Variants in MTMR12 observed in about 807,000 individuals in gnomAD.
The protein encoded by MTMR12 is myotubularin related protein 12, also known as myotubularin-related protein 12.
In MTMR12, 33 loss-of-function variants were observed where a neutral mutation model predicts 96.7. The ratio of observed to expected loss-of-function variants is 0.34; its 90% CI spans 0.26 to 0.46. The LOEUF (loss-of-function observed/expected upper bound fraction) is 0.46. Ranked by LOEUF, MTMR12 falls within the 20% of genes least tolerant of loss-of-function variation. The probability of loss-of-function intolerance (pLI) is 1.00; values close to 1 mark genes in which losing one functional copy is unlikely to be tolerated. For synonymous variants in MTMR12, 298 were observed against 327.2 expected, an observed-to-expected ratio of 0.91 and a Z score of 0.96; for missense variants, 721 against 896.1, an observed-to-expected ratio of 0.80 and a Z score of 2.49.
intron 1 of MTMR12, among the ~76,000 whole-genome samples, chr5:32,296,818 A>G (rs543810783): frequency 6.1e-4 from 92 of 150,318 alleles, no homozygotes; most frequent in Admixed American, 4.7e-3. Flanking sequence ...AAAAAAAAAA[A>G]GTGGCCGGGC....
intron 7 of MTMR12, among the ~76,000 whole-genome samples, chr5:32,262,420 G>A (rs576786738): frequency 9.2e-5 from 14 of 152,190 alleles, no homozygotes; most frequent in Admixed American, 9.2e-4. Flanking sequence ...GGGCAACATG[G>A]TGAAACCCCA....
intron 1 of MTMR12, among the ~76,000 whole-genome samples, chr5:32,301,976 A>G (rs1365072572): frequency 1.3e-5 from 2 of 152,244 alleles, no homozygotes; most frequent in Non-Finnish European, 1.5e-5. Flanking sequence ...AAAAACAAAA[A>G]ACATTGTCTG....
chr5:32,299,851 G>A (rs1319654076), intron 1 of MTMR12, among the ~76,000 whole-genome samples: 2 of 152,146 alleles, frequency 1.3e-5, no homozygotes, highest in Non-Finnish European at 2.9e-5. Context: ...ACACAGCTAT[G>A]AGCCTTTCAC....
Position 32,229,714 on chromosome 5 carries a change from C to T in MTMR12, c.*64G>A, listed in dbSNP as rs1348623856. The T allele has an allele frequency of 6.9e-7, 1 of 1,455,104 alleles. No homozygotes were observed. The highest frequency in any genetic ancestry group is 9.1e-7 in the Non-Finnish European group (1 of 1,096,188). 90.1% of individuals were successfully genotyped at this position (1,455,104 alleles called of 1,614,324 possible). A position where few individuals can be genotyped will look rare whatever the true frequency, so the allele number is the denominator to read the frequency against. Reference sequence around the variant, plus strand: ...AGCCAGCATGAGCTGTAGCGTGACACAAATCCAGGGATCAGCTGTCCCAAT... The same window carrying T: ...AGCCAGCATGAGCTGTAGCGTGACATAAATCCAGGGATCAGCTGTCCCAAT... On this transcript the variant is annotated 3_prime_UTR_variant, in exon 16 of 16. Coordinates refer to ENST00000382142, the MANE Select transcript of MTMR12 (RefSeq NM_001040446.3).
chr5:32,297,051 C>T (rs1166468185), intron 1 of MTMR12, among the ~76,000 whole-genome samples: 5 of 147,228 alleles, frequency 3.4e-5, no homozygotes, highest in South Asian at 2.2e-4. Context: ...TGCAGTGAGC[C>T]GAGATCGCGC....
In MTMR12 at chr5:32,248,192, G is replaced by T. The variant is rs995997028; in HGVS notation, c.897-66C>A. On this transcript the variant is annotated intron_variant, in intron 9 of 15. Transcript: ENST00000382142. ...CAAATTTTGCTTAAGGATTTACTAC[G>T]TGCCACAATCTGTGTTAAGGGCTCA... 19 of 1,551,698 alleles carry T rather than the reference G, an allele frequency of 1.2e-5. No individual in the cohort carries two copies. In the South Asian group the frequency reaches 1.7e-4, roughly 14 times the overall value.
chr5:32,270,645 T>C (rs532585351), intron 5 of MTMR12, among the ~76,000 whole-genome samples, 172 bp downstream of exon 5: 1 of 152,348 alleles, frequency 6.6e-6, no homozygotes, highest in Non-Finnish European at 1.5e-5. Flanking sequence ...TACACACGCA[T>C]GCTTTATCAA....
chr5:32,269,724 A>G (rs1373768554), intron 5 of MTMR12, among the ~76,000 whole-genome samples: 2 of 152,134 alleles, frequency 1.3e-5, no homozygotes, highest in Non-Finnish European at 2.9e-5. Flanking sequence ...ATACTCCAAA[A>G]CTCTGACATG....
intron 7 of MTMR12, among the ~76,000 whole-genome samples, chr5:32,258,635 AGCC>A (rs1749231998): frequency 6.6e-6 from 1 of 152,162 alleles, no homozygotes; most frequent in Non-Finnish European, 1.5e-5. Flanking sequence ...ATTAGACAAG[AGCC>A]TCCAGCGATT....
At chr5:32,238,002 G>C (rs1748304589) in intron 13 of MTMR12, among the ~76,000 whole-genome samples, 1 of 151,724 alleles carries the variant, frequency 6.6e-6, no homozygotes, top group African/African-American at 2.4e-5. Context: ...AAATTCGCCA[G>C]GCATGGTAGC....
chr5:32,269,004 T>C (rs1749722334), intron 5 of MTMR12, among the ~76,000 whole-genome samples: 1 of 151,992 alleles, frequency 6.6e-6, no homozygotes, highest in Non-Finnish European at 1.5e-5. Context: ...AGGTTTTCTT[T>C]CTTTTTTAAA....
At chr5:32,296,520 C>A in intron 1 of MTMR12, 1 of 334,972 alleles carries the variant, frequency 3.0e-6, no homozygotes, top group Non-Finnish European at 6.2e-6. Context: ...ATTGGCTGGG[C>A]ATGGCGATTT....
chr5:32,311,456 C>T (rs1351921760), intron 1 of MTMR12, among the ~76,000 whole-genome samples: 1 of 152,206 alleles, frequency 6.6e-6, no homozygotes, highest in African/African-American at 2.4e-5. Context: ...CCTCAGGCCC[C>T]AGGTGGTCTT....
Position 32,268,769 on chromosome 5 carries a change from G to A in MTMR12, c.515C>T (p.Thr172Ile), listed in dbSNP as rs1274135222. The change falls in exon 6 of 16, where the codon ACC becomes ATC. Residue 172 changes from threonine to isoleucine, a missense_variant. Coordinates refer to ENST00000382142, the MANE Select transcript of MTMR12 (RefSeq NM_001040446.3). ...TCGTTTAAGCAGTTTAGGAGCCTGG[G>A]TATGATGAATTATGCCACTGACAAT... ...KRIVSGIIHHTQAPKLLKRLF... is the reference protein window; with the variant it reads ...KRIVSGIIHHIQAPKLLKRLF... 2 of 1,613,688 alleles carry A rather than the reference G, an allele frequency of 1.2e-6. No individual in the cohort carries two copies. Among genetic ancestry groups the A allele is most frequent in the African/African-American group, 1.3e-5 (1 of 74,908 alleles).
chr5:32,252,765 C>T (rs924535959), intron 8 of MTMR12, among the ~76,000 whole-genome samples: 2 of 152,162 alleles, frequency 1.3e-5, no homozygotes, highest in African/African-American at 2.4e-5. Context: ...GGAAGATAAA[C>T]GGCTTTGTTT....
At position 32,248,037 on chromosome 5, in the gene MTMR12, G is replaced by C. The variant is rs200674748; in HGVS notation, c.986C>G (p.Thr329Ser). 4 of 1,613,968 alleles carry C rather than the reference G, an allele frequency of 2.5e-6. No homozygotes were observed. The South Asian group carries it at 4.4e-5, about 18-fold the overall frequency. Residue 329 changes from threonine (T) to serine (S), a missense_variant, in exon 10 of 16, where the codon ACT becomes AGT. Physicochemically the swap from Thr to Ser is moderately conservative, Grantham distance 58 (BLOSUM62 1). Transcript: ENST00000382142. ...TAGCTGTTTAAATTTAGAGTATGCAGTCTGGATTTCCTGCAGGGACAGGAA... is the reference window on the plus strand; with the variant it reads ...TAGCTGTTTAAATTTAGAGTATGCACTCTGGATTTCCTGCAGGGACAGGAA... The part of the protein sequence containing the change: ...SNFLSLQEIQ[T>S]AYSKFKQLFL...
intron 1 of MTMR12, among the ~76,000 whole-genome samples, chr5:32,277,440 T>G (rs1338481987): frequency 6.6e-6 from 1 of 152,134 alleles, no homozygotes; most frequent in Non-Finnish European, 1.5e-5. Context: ...GGCTCACACC[T>G]GTAATTCCAG....
intron 10 of MTMR12, among the ~76,000 whole-genome samples, chr5:32,246,567 T>G (rs1319317003): frequency 6.6e-6 from 1 of 152,202 alleles, no homozygotes; most frequent in Non-Finnish European, 1.5e-5. Context: ...TCCTCTTCAA[T>G]TAGGGCAGAA....
chr5:32,274,284 A>G (rs530848311), intron 2 of MTMR12, among the ~76,000 whole-genome samples, 162 bp from the exon 3 acceptor site: 3 of 152,358 alleles, frequency 2.0e-5, no homozygotes, highest in South Asian at 2.1e-4. Flanking sequence ...GCAAAAACAT[A>G]AGAGAGAAGA....
Sources: allele counts gnomAD v4.1 joint callset (sites outside exome capture counted in the v4.1 genomes callset), GRCh38; gene constraint gnomAD v4.1.1; transcripts MANE v1.5; gene names NCBI Gene and HGNC (gene_info 2026-07-23, HGNC 2026-07-21).